Variants in SLC12A3 observed in about 807,000 individuals in gnomAD.
The protein encoded by SLC12A3 is solute carrier family 12 member 3.
A neutral mutation model predicts 121.0 loss-of-function variants in SLC12A3; 104 were observed. The ratio of observed to expected loss-of-function variants is 0.86; its 90% CI spans 0.73 to 1.01. The LOEUF (loss-of-function observed/expected upper bound fraction) is 1.01, where lower values mean the gene tolerates loss of function less well. Ranked by LOEUF, SLC12A3 falls within the 50% of genes least tolerant of loss-of-function variation. The probability of loss-of-function intolerance (pLI) is 0.00; values close to 1 mark genes in which losing one functional copy is unlikely to be tolerated. For synonymous variants in SLC12A3, 536 were observed against 533.4 expected (o/e 1.00, Z -0.07); for missense variants, 1,328 against 1,356.3 (o/e 0.98, Z 0.33).
At chr16:56,878,039 C>CCTCT (rs2055187219) in intron 8 of SLC12A3, 38 bp from the exon 9 acceptor site, 163 of 525,142 alleles carry the variant, frequency 3.1e-4, no homozygotes, top group South Asian at 8.6e-4. Flanking sequence ...TCCCTCTCTC[C>CCTCT]CTCCCTCCCT....
At chr16:56,878,050 C>A in intron 8 of SLC12A3, 27 bp from the exon 9 acceptor site, 1 of 701,702 alleles carries the variant, frequency 1.4e-6, no homozygotes, top group Non-Finnish European at 2.6e-6. Flanking sequence ...CTCCCTCCCT[C>A]CCTCCCTCTC....
At position 56,886,365 on chromosome 16, in the gene SLC12A3, C is replaced by A. The variant is rs1380867299; in HGVS notation, c.1927C>A (p.Pro643Thr). Residue 643 changes from proline (P) to threonine (T), a missense_variant and splice_region_variant, in exon 16 of 26, where the codon CCC (proline) becomes ACC (threonine). Physicochemically the swap from Pro to Thr is conservative, Grantham distance 38 (BLOSUM62 -1). Coordinates refer to ENST00000563236, the MANE Select transcript of SLC12A3 (RefSeq NM_001126108.2). The part of the protein sequence containing the change: ...EVEDHIKNYR[P>T]QCLVLTGPPN... ...TGCCCTTTTCCCTTCCCTCCTCAGC[C>A]CCCAGTGCCTGGTGCTCACGGGGCC... The A allele has an allele frequency of 6.2e-7, 1 of 1,612,062 alleles. No individual in the cohort carries two copies. Among genetic ancestry groups the A allele is most frequent in the Non-Finnish European group, 8.5e-7 (1 of 1,178,212 alleles).
At chr16:56,868,474 A>G (rs1964413423) in intron 3 of SLC12A3, 102 bp downstream of exon 3, 1 of 1,204,302 alleles carries the variant, frequency 8.3e-7, no homozygotes, top group Admixed American at 2.0e-5. Context: ...TTGCAGGATT[A>G]AACTTGAGGT....
At chr16:56,871,449 G>A (rs954743801) in intron 6 of SLC12A3, among the ~76,000 whole-genome samples, 2 of 152,236 alleles carry the variant, frequency 1.3e-5, no homozygotes, top group African/African-American at 4.8e-5. Flanking sequence ...GATCCTGCTG[G>A]CAGACTCAGC....
At chr16:56,904,324 C>A (rs763856243) in intron 24 of SLC12A3, 71 bp from the exon 25 acceptor site, 1 of 1,324,554 alleles carries the variant, frequency 7.5e-7, no homozygotes. Flanking sequence ...GTTAATGAGG[C>A]CATAGACGTG....
rs2289117 is a variant in SLC12A3, at chr16:56,902,546, A to G, written c.2856+38A>G. 66,684 of 1,567,092 alleles carry G rather than the reference A, an allele frequency of 0.043. 2,675 individuals carry two copies. Among genetic ancestry groups the G allele is most frequent in the East Asian group, 0.2 (8,278 of 41,420 alleles). On this transcript the variant is annotated intron_variant, in intron 24 of 25. Coordinates refer to ENST00000563236, the MANE Select transcript of SLC12A3 (RefSeq NM_001126108.2). ...GTGGGGGTGGGAAACGCGACACATC[A>G]CTGGGTCAGGGACGGGTGTCCTGCA...
intron 8 of SLC12A3, among the ~76,000 whole-genome samples, chr16:56,873,500 C>T (rs1341812351): frequency 1.4e-5 from 2 of 146,754 alleles, no homozygotes; most frequent in African/African-American, 5.0e-5. Flanking sequence ...GATTCTCCTG[C>T]CTCAGCCTCC....
chr16:56,889,932 T>C (rs2055366404), intron 18 of SLC12A3, among the ~76,000 whole-genome samples: 1 of 152,196 alleles, frequency 6.6e-6, no homozygotes, highest in Admixed American at 6.5e-5. Context: ...AACTCAGTTT[T>C]TGCATCCATA....
intron 12 of SLC12A3, among the ~76,000 whole-genome samples, chr16:56,882,006 G>A (rs1040007029): frequency 7.3e-5 from 11 of 150,276 alleles, no homozygotes; most frequent in African/African-American, 2.0e-4. Flanking sequence ...CCGAGATCAC[G>A]CCACTGCACT....
At chr16:56,903,014 T>C (rs1190459723) in intron 24 of SLC12A3, among the ~76,000 whole-genome samples, 1 of 152,044 alleles carries the variant, frequency 6.6e-6, no homozygotes, top group Non-Finnish European at 1.5e-5. Context: ...CTGGGCATGG[T>C]GGCAGGCACC....
intron 25 of SLC12A3, among the ~76,000 whole-genome samples, chr16:56,905,359 A>G (rs1263887832): frequency 6.6e-6 from 1 of 151,494 alleles, no homozygotes; most frequent in East Asian, 1.9e-4. Flanking sequence ...AAAAAAAAAA[A>G]AAGAAGGAAG....
chr16:56,902,602 A>G, intron 24 of SLC12A3, 94 bp downstream of exon 24: 1 of 1,481,540 alleles, frequency 6.7e-7, no homozygotes. Context: ...CCTCCCCTCG[A>G]TCCTCCACCC....
At position 56,885,326 on chromosome 16, in the gene SLC12A3, G is replaced by A. The variant is rs1278808740; in HGVS notation, c.1887G>A (p.Val629=). 3 of 1,555,864 alleles carry A rather than the reference G, an allele frequency of 1.9e-6. No individual in the cohort carries two copies. The South Asian group carries it at 3.6e-5, about 18-fold the overall frequency. The change falls in exon 15 of 26, where the codon GTG becomes GTA. Residue 629 remains valine (V), a synonymous_variant. Coordinates refer to ENST00000563236, the MANE Select transcript of SLC12A3 (RefSeq NM_001126108.2). The part of the protein sequence containing the change: ...GSYNLALSYS[V]GLNEVEDHIK... ...ACAACCTGGCCCTCAGCTACTCGGT[G>A]GGCCTCAATGAGGTGGAAGACCACA...
At chr16:56,880,502 C>T (rs972460772) in intron 12 of SLC12A3, among the ~76,000 whole-genome samples, 13 of 152,210 alleles carry the variant, frequency 8.5e-5, no homozygotes, top group Non-Finnish European at 1.6e-4. Flanking sequence ...GCAGAGCCTT[C>T]TGCTTTGTTA....
In SLC12A3 at chr16:56,894,532, C is replaced by T. The variant is rs1471545844; in HGVS notation, c.2523C>T (p.Gly841=). 1 of 1,611,464 alleles carries T rather than the reference C, an allele frequency of 6.2e-7. No individual in the cohort carries two copies. The highest frequency in any genetic ancestry group is 1.1e-5 in the South Asian group (1 of 90,628). The change falls in exon 22 of 26, where the codon GGC becomes GGT. Residue 841 remains glycine (G), a splice_region_variant and synonymous_variant. Coordinates refer to ENST00000563236, the MANE Select transcript of SLC12A3 (RefSeq NM_001126108.2). ...IDIYWLFDDG[G]LTLLIPYLLG... is the part of the protein sequence containing the mutation. ...ACTCACGGGGACTCTCCTTGCCAGGCCTCACCCTCCTCATTCCCTATCTCC... is the reference window on the plus strand; with the variant it reads ...ACTCACGGGGACTCTCCTTGCCAGGTCTCACCCTCCTCATTCCCTATCTCC...
chr16:56,883,217 T>G (rs1162061020), intron 13 of SLC12A3, among the ~76,000 whole-genome samples: 2 of 152,060 alleles, frequency 1.3e-5, no homozygotes, highest in South Asian at 4.1e-4. Flanking sequence ...TATATTTGCA[T>G]GTTTATGATG....
chr16:56,882,415 C>T lies in SLC12A3; in HGVS notation c.1587C>T (p.Ala529=). 1 of 1,614,072 alleles carries T rather than the reference C, an allele frequency of 6.2e-7. No homozygotes were observed. Among genetic ancestry groups the T allele is most frequent in the Non-Finnish European group, 8.5e-7 (1 of 1,179,940 alleles). ...CCGAAGCTGAGCTCAACACCATAGC[C>T]CCCATCATTTCCAACTTCTTCCTCT... ...FIIIAELNTI[A]PIISNFFLCS... is the part of the protein sequence containing the mutation. The change falls in exon 13 of 26, where the codon GCC becomes GCT. Residue 529 remains alanine (A), a synonymous_variant. Coordinates refer to ENST00000563236, the MANE Select transcript of SLC12A3 (RefSeq NM_001126108.2).
intron 13 of SLC12A3, among the ~76,000 whole-genome samples, chr16:56,883,222 A>G (rs1426880200): frequency 2.6e-5 from 4 of 151,224 alleles, no homozygotes; most frequent in African/African-American, 9.7e-5. Context: ...TTGCATGTTT[A>G]TGATGGAAAA....
At chr16:56,870,550 C>T in intron 5 of SLC12A3, 76 bp from the exon 6 acceptor site, 2 of 992,742 alleles carry the variant, frequency 2.0e-6, no homozygotes, top group South Asian at 2.6e-5. Context: ...ACAGGAGGTG[C>T]CTCCTAGGTG....
Sources: allele counts gnomAD v4.1 joint callset (sites outside exome capture counted in the v4.1 genomes callset), GRCh38; gene constraint gnomAD v4.1.1; transcripts MANE v1.5; gene names NCBI Gene and HGNC (gene_info 2026-07-23, HGNC 2026-07-21).